The following SLC12A2 variants were observed in gnomAD, a reference collection of about 807,000 sequenced individuals.
SLC12A2 encodes the protein solute carrier family 12 member 2.
SLC12A2 carries 67 observed loss-of-function variants against 136.3 expected under a neutral mutation model. The observed-to-expected ratio is 0.49, with a 90% CI of 0.40 to 0.60. The LOEUF is 0.60. SLC12A2 is among the 20% of genes least tolerant of loss of function. SLC12A2 has a pLI of 0.00. For synonymous variants in SLC12A2, 619 were observed against 562.9 expected, an observed-to-expected ratio of 1.10 and a Z score of -1.41; for missense variants, 1,322 against 1,534.7, an observed-to-expected ratio of 0.86 and a Z score of 2.32.
intron 1 of SLC12A2, among the ~76,000 whole-genome samples, chr5:128,101,779 T>C (rs755071292): frequency 1.3e-4 from 20 of 152,194 alleles, no homozygotes; most frequent in Non-Finnish European, 2.8e-4. Flanking sequence ...AAATTTTTAG[T>C]GTCAGAGAAG....
chr5:128,131,225 A>C lies in SLC12A2; in HGVS notation c.1188+19A>C. On this transcript the variant is annotated intron_variant, in intron 5 of 26. Transcript: ENST00000262461. ...GCTTAAGGTAATTCACCTTCCTTCT[A>C]GTCATTCGTTTACCAAATCTTTATT... is the stretch of plus-strand genomic sequence containing the variant. The C allele has an allele frequency of 6.2e-7, 1 of 1,613,198 alleles. No individual in the cohort carries two copies. Among genetic ancestry groups the C allele is most frequent in the African/African-American group, 1.3e-5 (1 of 75,004 alleles).
chr5:128,084,757 C>T lies in SLC12A2; in HGVS notation c.756+47C>T, dbSNP rs1348120829. ...TTCTTCCCCAGCCCCTGGTGCATGC[C>T]GACCGCGGGATGTGGCTGCAGACTC... is the stretch of plus-strand genomic sequence containing the variant. On this transcript the variant is annotated intron_variant, in intron 1 of 26. Coordinates refer to ENST00000262461, the MANE Select transcript of SLC12A2 (RefSeq NM_001046.3). The surrounding 1 kb of genome is among the most constrained non-coding windows in gnomAD (Gnocchi z 5.6). 1.3e-6 allele frequency: 2 copies of T among 1,493,246 alleles called. No homozygotes were observed. The highest frequency in any genetic ancestry group is 2.2e-5 in the Admixed American group (1 of 45,652). 92.5% of individuals were successfully genotyped at this position (1,493,246 alleles called of 1,614,324 possible).
chr5:128,184,081 G>T (rs1012919699), intron 24 of SLC12A2, among the ~76,000 whole-genome samples: 1 of 151,876 alleles, frequency 6.6e-6, no homozygotes, highest in African/African-American at 2.4e-5. Flanking sequence ...ATTAGACATC[G>T]TATTGGTGCT....
intron 17 of SLC12A2, among the ~76,000 whole-genome samples, chr5:128,165,341 T>TA (rs1763167879): frequency 6.6e-6 from 1 of 152,212 alleles, no homozygotes; most frequent in African/African-American, 2.4e-5. Flanking sequence ...ATAGCAAAAC[T>TA]AAATACGTTT....
At chr5:128,128,105 AT>A (rs910175510) in intron 4 of SLC12A2, among the ~76,000 whole-genome samples, 3 of 152,148 alleles carry the variant, frequency 2.0e-5, no homozygotes, top group Non-Finnish European at 4.4e-5. Context: ...GTGTTATGTA[AT>A]TTAAATATTT....
intron 15 of SLC12A2, among the ~76,000 whole-genome samples, chr5:128,154,182 C>T (rs1022517404): frequency 2.6e-5 from 4 of 151,768 alleles, no homozygotes; most frequent in African/African-American, 4.8e-5. Context: ...GAGGCTGAGG[C>T]GGGAGGATCA....
chr5:128,122,117 T>A (rs369820687), intron 4 of SLC12A2, among the ~76,000 whole-genome samples: 26 of 152,200 alleles, frequency 1.7e-4, no homozygotes, highest in East Asian at 9.6e-4. Flanking sequence ...CCTCAACCAC[T>A]TTTTGCTTGG....
At chr5:128,161,451 G>T (rs1273478237) in intron 16 of SLC12A2, among the ~76,000 whole-genome samples, 1 of 151,796 alleles carries the variant, frequency 6.6e-6, no homozygotes, top group African/African-American at 2.4e-5. Flanking sequence ...CTTTCTACTG[G>T]CATCCCTGTG....
chr5:128,119,789 T>C (rs996516903), intron 4 of SLC12A2, among the ~76,000 whole-genome samples: 9 of 152,172 alleles, frequency 5.9e-5, no homozygotes, highest in African/African-American at 2.2e-4. Flanking sequence ...ATTCAGGACA[T>C]AGGCACGGGC....
In SLC12A2 at chr5:128,084,613, C is replaced by G; in HGVS notation, c.659C>G (p.Ala220Gly). ...LRTFGHNTMD[A>G]VPRIDHYRHT... ...ACCTTCGGCCACAACACCATGGACGCTGTGCCCAGGATCGATCACTACCGG... is the reference window on the plus strand; with the variant it reads ...ACCTTCGGCCACAACACCATGGACGGTGTGCCCAGGATCGATCACTACCGG... The change falls in exon 1 of 27, where the codon GCT becomes GGT. Residue 220 changes from alanine to glycine, a missense_variant. By Grantham distance (60) the Ala-to-Gly change is moderately conservative (BLOSUM62 0). Coordinates refer to ENST00000262461, the MANE Select transcript of SLC12A2 (RefSeq NM_001046.3). This position sits in a 1 kb window ranked among gnomAD's most constrained non-coding sequence, Gnocchi z 5.6. 6.2e-7 allele frequency: 1 copy of G among 1,613,638 alleles called. No homozygotes were observed. Among genetic ancestry groups the G allele is most frequent in the Non-Finnish European group, 8.5e-7 (1 of 1,179,980 alleles).
chr5:128,163,693 C>T (rs1037244043), intron 17 of SLC12A2, among the ~76,000 whole-genome samples: 1 of 151,958 alleles, frequency 6.6e-6, no homozygotes, highest in African/African-American at 2.4e-5. Flanking sequence ...ACCTCAGAAA[C>T]AGTGCTTAGG....
At chr5:128,102,513 T>C (rs546234212) in intron 1 of SLC12A2, among the ~76,000 whole-genome samples, 2 of 151,678 alleles carry the variant, frequency 1.3e-5, no homozygotes, top group African/African-American at 4.8e-5. Context: ...TATAGCATAT[T>C]TTCAATCTGA....
chr5:128,184,285 G>C (rs1294888838), intron 24 of SLC12A2, 81 bp from the exon 25 acceptor site: 19 of 949,526 alleles, frequency 2.0e-5, no homozygotes, highest in Non-Finnish European at 2.8e-5. Context: ...AACTTTGCAA[G>C]TTACAATTTA....
At chr5:128,086,037 C>G (rs1473960287) in intron 1 of SLC12A2, among the ~76,000 whole-genome samples, 1 of 151,982 alleles carries the variant, frequency 6.6e-6, no homozygotes, top group African/African-American at 2.4e-5. Flanking sequence ...TCATTGTAGA[C>G]AAAAGTAGAT....
At chr5:128,110,987 A>T (rs879501740) in intron 1 of SLC12A2, 2 of 769,916 alleles carry the variant, frequency 2.6e-6, no homozygotes, top group Non-Finnish European at 4.8e-6. Flanking sequence ...AAGACCAAAG[A>T]TGAACTCTGA....
intron 1 of SLC12A2, chr5:128,110,987 A>G (rs879501740): frequency 1.8e-5 from 14 of 769,916 alleles, no homozygotes; most frequent in Admixed American, 7.1e-5. Flanking sequence ...AAGACCAAAG[A>G]TGAACTCTGA....
At chr5:128,186,398 A>G in intron 26 of SLC12A2, 98 bp from the exon 27 acceptor site, 1 of 1,152,056 alleles carries the variant, frequency 8.7e-7, no homozygotes, top group Non-Finnish European at 1.2e-6. Context: ...ATTTACAGTA[A>G]CTGTTATTGT....
At chr5:128,127,215 G>A (rs1429323721) in intron 4 of SLC12A2, among the ~76,000 whole-genome samples, 4 of 133,364 alleles carry the variant, frequency 3.0e-5, no homozygotes, top group Non-Finnish European at 4.6e-5. Context: ...TCTGCCTCCC[G>A]GGTTCGTGCC....
At chr5:128,148,197 T>A (rs1253997687) in intron 11 of SLC12A2, among the ~76,000 whole-genome samples, 1 of 151,744 alleles carries the variant, frequency 6.6e-6, no homozygotes, top group Admixed American at 6.6e-5. Context: ...CATTATCTCC[T>A]TTTAGTGAAC....
Sources: allele counts gnomAD v4.1 joint callset (sites outside exome capture counted in the v4.1 genomes callset), GRCh38; gene constraint gnomAD v4.1.1; non-coding constraint Gnocchi (gnomAD v3.1); transcripts MANE v1.5; gene names NCBI Gene and HGNC (gene_info 2026-07-23, HGNC 2026-07-21).